ANO4: variants seen among roughly 807,000 people sequenced by gnomAD.
The protein encoded by ANO4 is anoctamin-4.
In ANO4, 69 loss-of-function variants were observed where a neutral mutation model predicts 141.9. That is an observed-to-expected ratio of 0.49 (90% CI 0.40 to 0.59). The LOEUF is 0.59. Among genes scored for constraint, ANO4 ranks in the 20% least tolerant of loss-of-function variants. The pLI, the probability that ANO4 is intolerant of heterozygous loss-of-function variation, is 0.00. For synonymous variants in ANO4, 350 were observed against 394.3 expected (o/e 0.89, Z 1.33); for missense variants, 894 against 1,162.2 (o/e 0.77, Z 3.36).
chr12:101,084,231 A>T (rs1056082533), intron 16 of ANO4, among the ~76,000 whole-genome samples: 1 of 152,230 alleles, frequency 6.6e-6, no homozygotes, highest in African/African-American at 2.4e-5. Context: ...AAGCAAGTAG[A>T]TGTATAAAAC....
chr12:100,964,957 A>G (rs930144768), intron 5 of ANO4, among the ~76,000 whole-genome samples: 1 of 152,204 alleles, frequency 6.6e-6, no homozygotes, highest in African/African-American at 2.4e-5. Context: ...CCGCAAGAGC[A>G]GGGATTTGGT....
chr12:100,740,124 T>C (rs897381818), intron 3 of ANO4: 2 of 701,156 alleles, frequency 2.9e-6, no homozygotes, highest in African/African-American at 3.5e-5. Flanking sequence ...TGGCTTCCTG[T>C]TGGAGATTCG....
chr12:101,084,675 A>T (rs1310877749), intron 16 of ANO4, among the ~76,000 whole-genome samples: 2 of 152,214 alleles, frequency 1.3e-5, no homozygotes, highest in African/African-American at 4.8e-5. Context: ...TCAGACCAAG[A>T]TTCAAATCCA....
intron 6 of ANO4, among the ~76,000 whole-genome samples, chr12:100,973,084 A>G (rs2044002197): frequency 6.6e-6 from 1 of 152,270 alleles, no homozygotes; most frequent in South Asian, 2.1e-4. Flanking sequence ...CTTTTTAGAT[A>G]TAGGAATTCC....
At position 101,000,474 on chromosome 12, in the gene ANO4, G is replaced by A. The variant is rs561666505; in HGVS notation, c.734+12804G>A. On this transcript the variant is annotated intron_variant, in intron 8 of 27. Coordinates refer to ENST00000392977, the MANE Select transcript of ANO4 (RefSeq NM_001286615.2). ...TGTTTTCATCGATCTGAAATCTTTA[G>A]AGAATCCTTCAGGCAGAGGTACCAA... is the stretch of plus-strand genomic sequence containing the variant. 7.5e-4 allele frequency among the ~76,000 whole-genome samples: 114 copies of A among 152,230 alleles called. 1 individual carries two copies. The highest frequency in any genetic ancestry group is 2.6e-3 in the African/African-American group (109 of 41,524).
At chr12:100,928,549 C>T (rs938237135) in intron 3 of ANO4, among the ~76,000 whole-genome samples, 1 of 152,114 alleles carries the variant, frequency 6.6e-6, no homozygotes, top group African/African-American at 2.4e-5. Context: ...GAACTCAGGT[C>T]TGTCTGAATC....
intron 26 of ANO4, among the ~76,000 whole-genome samples, chr12:101,121,790 T>C: frequency 6.8e-6 from 1 of 146,436 alleles, no homozygotes. Context: ...TAAGACTGAT[T>C]CTCTCTCTGT....
At chr12:100,850,224 G>T (rs1036355896) in intron 1 of ANO4, among the ~76,000 whole-genome samples, 2 of 152,152 alleles carry the variant, frequency 1.3e-5, no homozygotes, top group Non-Finnish European at 2.9e-5. Context: ...ACTTATATAT[G>T]ATTAGAGTCA....
intron 25 of ANO4, 124 bp from the exon 26 acceptor site, chr12:101,120,396 T>C (rs765499350): frequency 1.3e-6 from 1 of 745,104 alleles, no homozygotes. Flanking sequence ...AAACAACAGA[T>C]ATCTAGTATA....
At chr12:100,808,389 T>C (rs183627991) in intron 1 of ANO4, among the ~76,000 whole-genome samples, 9 of 152,288 alleles carry the variant, frequency 5.9e-5, no homozygotes, top group Middle Eastern at 6.8e-3. Flanking sequence ...TTTGCCCACT[T>C]TTTAATGGGG....
chr12:100,892,325 C>T lies in ANO4; in HGVS notation c.-140-9321C>T, dbSNP rs1278375962. 3.3e-5 allele frequency among the ~76,000 whole-genome samples: 5 copies of T among 152,098 alleles called. No homozygotes were observed. The East Asian group carries it at 7.7e-4, about 23-fold the overall frequency. On this transcript the variant is annotated intron_variant, in intron 1 of 27. Coordinates refer to ENST00000392977, the MANE Select transcript of ANO4 (RefSeq NM_001286615.2). ...ACTCTTTATGAATTAAAAAAAATCT[C>T]AGGTTGTTTTCACTGTAGATGGGCT...
At chr12:100,927,703 GCC>G (rs1375397987) in intron 3 of ANO4, among the ~76,000 whole-genome samples, 2 of 152,004 alleles carry the variant, frequency 1.3e-5, no homozygotes, top group Non-Finnish European at 2.9e-5. Context: ...TCAATGTCCA[GCC>G]CTTTTTAGAG....
chr12:100,875,661 C>T (rs957089233), intron 1 of ANO4, among the ~76,000 whole-genome samples: 2 of 152,050 alleles, frequency 1.3e-5, no homozygotes, highest in East Asian at 1.9e-4. Context: ...AGACAGTAGA[C>T]GTGGTAAAAA....
intron 1 of ANO4, among the ~76,000 whole-genome samples, chr12:100,829,542 A>T (rs2036532973): frequency 6.6e-6 from 1 of 152,074 alleles, no homozygotes; most frequent in Admixed American, 6.6e-5. Flanking sequence ...TACAATGTGT[A>T]TGTAAATCAC....
At chr12:101,049,816 T>C (rs900192095) in intron 14 of ANO4, among the ~76,000 whole-genome samples, 2 of 152,122 alleles carry the variant, frequency 1.3e-5, no homozygotes, top group Admixed American at 6.5e-5. Flanking sequence ...TTGAACCCCA[T>C]GACTCCAGTC....
intron 17 of ANO4, among the ~76,000 whole-genome samples, chr12:101,090,010 C>T (rs889309650): frequency 6.6e-6 from 1 of 152,212 alleles, no homozygotes; most frequent in African/African-American, 2.4e-5. Flanking sequence ...CTCACCATCA[C>T]TGGCCATCAG....
intron 2 of ANO4, among the ~76,000 whole-genome samples, chr12:100,739,029 TA>T (rs5800421): frequency 0.62 from 86,364 of 138,984 alleles, 26,249 homozygotes; most frequent in East Asian, 0.75. Flanking sequence ...TATATATATA[TA>T]ATCTCTAAAT....
intron 1 of ANO4, among the ~76,000 whole-genome samples, chr12:100,727,716 C>G (rs1293618730): frequency 6.6e-6 from 1 of 151,848 alleles, no homozygotes; most frequent in Non-Finnish European, 1.5e-5. Context: ...TTACTTTGTT[C>G]TTTCTCTGTA....
intron 3 of ANO4, among the ~76,000 whole-genome samples, chr12:100,759,325 T>C (rs2032754246): frequency 6.6e-6 from 1 of 152,218 alleles, no homozygotes; most frequent in South Asian, 2.1e-4. Flanking sequence ...GTATATATAT[T>C]TTTGTTCAAC....
Sources: allele counts gnomAD v4.1 joint callset (sites outside exome capture counted in the v4.1 genomes callset), GRCh38; gene constraint gnomAD v4.1.1; transcripts MANE v1.5; gene names NCBI Gene and HGNC (gene_info 2026-07-23, HGNC 2026-07-21).